Variants in VANGL2 observed in about 807,000 individuals in gnomAD.
VANGL2 encodes the protein vang-like protein 2.
VANGL2 carries 14 observed loss-of-function variants against 50.2 expected under a neutral mutation model. The observed-to-expected ratio is 0.28, with a 90% confidence interval of 0.18 to 0.44. VANGL2 has a LOEUF of 0.44. VANGL2 is among the 20% of genes least tolerant of loss of function. The pLI, the probability that VANGL2 is intolerant of heterozygous loss-of-function variation, is 1.00. For missense variants in VANGL2, 533 were observed against 701.5 expected (o/e 0.76, Z 2.71); for synonymous variants, 295 against 297.2 (o/e 0.99, Z 0.08).
chr1:160,409,108 G>C (rs188696631), intron 1 of VANGL2, among the ~76,000 whole-genome samples: 117 of 152,308 alleles, frequency 7.7e-4, no homozygotes, highest in African/African-American at 2.1e-3. Context: ...GGTGAGAAGA[G>C]GGGGCAGGAC....
chr1:160,425,195 A>G lies in VANGL2; in HGVS notation c.1383A>G (p.Thr461=), dbSNP rs772404690. Residue 461 remains threonine, a synonymous_variant, in exon 8 of 8, where the codon ACA becomes ACG. Transcript: ENST00000368061. ...HKERWLAKQW[T]LVSEEPVTNG... ...AACGCTGGCTGGCCAAACAGTGGAC[A>G]TTGGTGAGCGAGGAGCCGGTGACCA... 1.2e-6 allele frequency: 2 copies of G among 1,614,112 alleles called. No individual in the cohort carries two copies. Among genetic ancestry groups the G allele is most frequent in the Non-Finnish European group, 1.7e-6 (2 of 1,180,014 alleles).
chr1:160,417,279 T>C (rs1487343373), intron 3 of VANGL2, among the ~76,000 whole-genome samples: 2 of 152,154 alleles, frequency 1.3e-5, no homozygotes, highest in East Asian at 3.8e-4. Flanking sequence ...CGGGCTGCCT[T>C]CATCCTGTAA....
In VANGL2 at chr1:160,424,300, G is replaced by A. The variant is rs753410928; in HGVS notation, c.1305+17G>A. On this transcript the variant is annotated intron_variant, in intron 7 of 7. Transcript: ENST00000368061. The stretch of plus-strand genomic sequence containing the variant: ...ACGCCCAAGGTAGGCCTGCCCTGCT[G>A]CCAGCATCCTTCCTCCTTCCCCAGC... 3.7e-6 allele frequency: 6 copies of A among 1,610,818 alleles called. No individual in the cohort carries two copies. The highest frequency in any genetic ancestry group is 1.7e-4 in the Middle Eastern group (1 of 6,060).
Position 160,400,737 on chromosome 1 carries a change from C to T in VANGL2, c.-323C>T, listed in dbSNP as rs1008087635. On this transcript the variant is annotated 5_prime_UTR_variant, in exon 1 of 8. Transcript: ENST00000368061. ...GGGTGACCAGACTCAAGAACCCCCC[C>T]CTCAACATCCCCCATCGCGCGCGCT... The T allele has an allele frequency of 6.6e-6, 1 of 152,120 alleles. No homozygotes were observed. The highest frequency in any genetic ancestry group is 2.4e-5 in the African/African-American group (1 of 41,278). The allele number at this position is 152,120 out of a possible 1,614,324, so 9.4% of individuals were successfully genotyped here.
rs115492172 is a variant in VANGL2, at chr1:160,400,615, G to C, written c.-445G>C. ...CCTGATCCTTGATTCCTTGATCCTT[G>C]GTCCCGCCATGGGAGCCTGAGCGCC... On this transcript the variant is annotated 5_prime_UTR_variant, in exon 1 of 8. Transcript: ENST00000368061. 8,645 of 150,176 alleles carry C rather than the reference G, an allele frequency of 0.058. 381 individuals carry two copies. The highest frequency in any genetic ancestry group is 0.19 in the South Asian group (924 of 4,784). The allele number at this position is 150,176 out of a possible 1,614,324, so 9.3% of individuals were successfully genotyped here.
Position 160,415,842 on chromosome 1 carries a change from A to G in VANGL2, c.5A>G (p.Asp2Gly). Residue 2 changes from aspartate (D) to glycine (G), a missense_variant, in exon 2 of 8, where the codon GAC becomes GGC. Asp to Gly is a moderately conservative substitution (Grantham distance 94). Transcript: ENST00000368061. M[D>G]TESQYSGYSY... ...AAGGCGCGGCGTTCAGACGCCATGGACACCGAGTCCCAGTACTCGGGCTAT... is the reference window on the plus strand; with the variant it reads ...AAGGCGCGGCGTTCAGACGCCATGGGCACCGAGTCCCAGTACTCGGGCTAT... The G allele has an allele frequency of 6.2e-7, 1 of 1,613,426 alleles. No individual in the cohort carries two copies. Among genetic ancestry groups the G allele is most frequent in the African/African-American group, 1.3e-5 (1 of 75,062 alleles).
intron 3 of VANGL2, among the ~76,000 whole-genome samples, chr1:160,417,686 C>T (rs1651108870): frequency 6.6e-6 from 1 of 152,236 alleles, no homozygotes; most frequent in African/African-American, 2.4e-5. Flanking sequence ...AGAACAGGTG[C>T]TTATTGCCCA....
At chr1:160,407,406 C>G (rs1650712839) in intron 1 of VANGL2, among the ~76,000 whole-genome samples, 1 of 152,158 alleles carries the variant, frequency 6.6e-6, no homozygotes, top group Admixed American at 6.5e-5. Context: ...CACTGCATCT[C>G]ACACCCTGAG....
At chr1:160,422,395 T>G (rs1651304723) in intron 6 of VANGL2, among the ~76,000 whole-genome samples, 1 of 152,252 alleles carries the variant, frequency 6.6e-6, no homozygotes, top group South Asian at 2.1e-4. Flanking sequence ...ATTACCTTGC[T>G]TTTAACCAGG....
chr1:160,413,283 G>C (rs1465779925), intron 1 of VANGL2, among the ~76,000 whole-genome samples: 1 of 135,396 alleles, frequency 7.4e-6, no homozygotes, highest in African/African-American at 2.8e-5. Flanking sequence ...ATCCATTTTA[G>C]GTTTTTTTTT....
rs1359008609 is a variant in VANGL2 at position 160,426,675 on chromosome 1, C to G, written c.*1297C>G. ...TCATTTTGAGCAAAATTTGCTGGCC[C>G]TCTAATAAATATTTTCAATATAAAT... On this transcript the variant is annotated 3_prime_UTR_variant, in exon 8 of 8. Transcript: ENST00000368061. 1 of 152,610 alleles carries G rather than the reference C, an allele frequency of 6.6e-6. No homozygotes were observed. The highest frequency in any genetic ancestry group is 1.9e-4 in the East Asian group (1 of 5,192). 9.5% of individuals were successfully genotyped at this position (152,610 alleles called of 1,614,324 possible).
chr1:160,405,599 A>ATATC (rs1557904218), intron 1 of VANGL2, among the ~76,000 whole-genome samples: 1 of 144,530 alleles, frequency 6.9e-6, no homozygotes, highest in South Asian at 2.3e-4. Flanking sequence ...AGACCTGAGG[A>ATATC]TATCCTGGTA....
At position 160,421,071 on chromosome 1, in the gene VANGL2, C is replaced by T; in HGVS notation, c.957C>T (p.Ser319=). 6.2e-7 allele frequency: 1 copy of T among 1,614,178 alleles called. No individual in the cohort carries two copies. Among genetic ancestry groups the T allele is most frequent in the South Asian group, 1.1e-5 (1 of 91,072 alleles). ...SLGEENSTNN[S]TGQSRAVIAA... ...GTGCAGAAAACAGCACCAACAACTC[C>T]ACTGGCCAGTCTCGGGCTGTGATTG... Residue 319 remains serine, a synonymous_variant, in exon 6 of 8, where the codon TCC becomes TCT. Coordinates refer to ENST00000368061, the MANE Select transcript of VANGL2 (RefSeq NM_020335.3).
intron 6 of VANGL2, among the ~76,000 whole-genome samples, chr1:160,422,157 C>T (rs1651296945): frequency 6.6e-6 from 1 of 152,172 alleles, no homozygotes; most frequent in Admixed American, 6.5e-5. Context: ...AGAGGTAGCC[C>T]TTACCTTGTT....
At position 160,425,594 on chromosome 1, in the gene VANGL2, A is replaced by G. The variant is rs1049358620; in HGVS notation, c.*216A>G. The G allele has an allele frequency of 8.7e-6, 5 of 572,392 alleles. No homozygotes were observed. Among genetic ancestry groups the G allele is most frequent in the Non-Finnish European group, 1.5e-5 (5 of 325,580 alleles). The allele number at this position is 572,392 out of a possible 1,614,324, so 35.5% of individuals were successfully genotyped here. On this transcript the variant is annotated 3_prime_UTR_variant, in exon 8 of 8. Coordinates refer to ENST00000368061, the MANE Select transcript of VANGL2 (RefSeq NM_020335.3). ...CATCCTGCTGTCAACAGTACCTGGG[A>G]AGGACTCCCACCTCACCAACAACTT...
intron 3 of VANGL2, 22 bp from the exon 4 acceptor site, chr1:160,418,980 G>T (rs559424980): frequency 1.3e-6 from 2 of 1,596,048 alleles, no homozygotes; most frequent in Non-Finnish European, 1.7e-6. Flanking sequence ...TTATTGTGTG[G>T]CTGGCCCCCT....
chr1:160,419,419 A>G lies in VANGL2; in HGVS notation c.610A>G (p.Ile204Val), dbSNP rs751859631. ...CTACTGGCTCTTCTATGGTGTGCGC[A>G]TCCTGGATGCTCGGGAGCGCAGCTA... ...VSYWLFYGVR[I>V]LDARERSYQG... Residue 204 changes from isoleucine (I) to valine (V), a missense_variant, in exon 4 of 8, where the codon ATC becomes GTC. By Grantham distance (29) the Ile-to-Val change is conservative (BLOSUM62 3). Coordinates refer to ENST00000368061, the MANE Select transcript of VANGL2 (RefSeq NM_020335.3). The surrounding 1 kb of genome is among the most constrained non-coding windows in gnomAD (Gnocchi z 5.8). 1 of 1,612,016 alleles carries G rather than the reference A, an allele frequency of 6.2e-7. No individual in the cohort carries two copies. Among genetic ancestry groups the G allele is most frequent in the Admixed American group, 1.7e-5 (1 of 60,012 alleles).
intron 1 of VANGL2, among the ~76,000 whole-genome samples, chr1:160,406,251 C>G (rs1650655252): frequency 6.6e-6 from 1 of 152,168 alleles, no homozygotes; most frequent in Admixed American, 6.5e-5. Flanking sequence ...CTTCACCTTC[C>G]CCTACTGTCA....
chr1:160,416,888 G>A (rs2101962385), intron 3 of VANGL2, among the ~76,000 whole-genome samples: 1 of 152,280 alleles, frequency 6.6e-6, no homozygotes, highest in East Asian at 1.9e-4. Flanking sequence ...TCATCTTTGG[G>A]GGCTGGAGAT....
Sources: gnomAD v4.1 joint callset for allele counts (sites outside exome capture counted in the v4.1 genomes callset) on GRCh38, gnomAD v4.1.1 for gene constraint, Gnocchi (gnomAD v3.1) non-coding constraint, MANE v1.5 for transcripts, NCBI Gene and HGNC (gene_info 2026-07-23, HGNC 2026-07-21) for gene names.